The following STXBP5L variants were observed in gnomAD, a reference collection of about 807,000 sequenced individuals.
STXBP5L encodes the protein syntaxin-binding protein 5-like.
Under a neutral mutation model 144.5 loss-of-function variants are expected in STXBP5L, and 65 were observed. That is an observed-to-expected ratio of 0.45 (90% confidence interval 0.37 to 0.55). The LOEUF (loss-of-function observed/expected upper bound fraction) is 0.55, where lower values mean the gene tolerates loss of function less well. Ranked by LOEUF, STXBP5L falls within the 20% of genes least tolerant of loss-of-function variation. The pLI is 0.00. For synonymous variants in STXBP5L, 505 were observed against 469.6 expected (o/e 1.08, Z -0.97); for missense variants, 1,298 against 1,405.5 (o/e 0.92, Z 1.22).
At chr3:120,996,059 C>G (rs1414151793) in intron 3 of STXBP5L, among the ~76,000 whole-genome samples, 1 of 152,030 alleles carries the variant, frequency 6.6e-6, no homozygotes, top group Non-Finnish European at 1.5e-5. Context: ...TCTTTCAGAA[C>G]CTGAAAAATG....
At chr3:121,129,809 C>T (rs906959284) in intron 7 of STXBP5L, among the ~76,000 whole-genome samples, 2 of 151,784 alleles carry the variant, frequency 1.3e-5, no homozygotes. Context: ...CTGGCGAGTA[C>T]CTTTATAACT....
At chr3:121,118,021 A>G (rs1223679753) in intron 6 of STXBP5L, among the ~76,000 whole-genome samples, 2 of 151,700 alleles carry the variant, frequency 1.3e-5, no homozygotes, top group African/African-American at 4.8e-5. Context: ...TCCACATATG[A>G]TTAAAATTTG....
intron 20 of STXBP5L, among the ~76,000 whole-genome samples, chr3:121,340,102 T>A (rs2108579479): frequency 6.6e-6 from 1 of 152,110 alleles, no homozygotes; most frequent in South Asian, 2.1e-4. Flanking sequence ...CCAAAGCAAT[T>A]CTAAGCAAAA....
rs184025858 is a variant in STXBP5L, at chr3:120,990,051, A to T, written c.287+35014A>T. ...TTGCAGACGACATGATTGTATATCC[A>T]GAAAACCCCATTGTCTCAGCCCAAA... On this transcript the variant is annotated intron_variant, in intron 3 of 26. Coordinates refer to ENST00000471454, the MANE Select transcript of STXBP5L (RefSeq NM_001308330.2). Among the ~76,000 whole-genome samples the T allele has an allele frequency of 3.2e-3, 493 of 152,282 alleles. 2 individuals carry two copies. Among genetic ancestry groups the T allele is most frequent in the African/African-American group, 0.011 (471 of 41,558 alleles).
chr3:121,418,420 G>A lies in STXBP5L; in HGVS notation c.3310G>A (p.Ala1104Thr), dbSNP rs369867619. 47 of 1,613,944 alleles carry A rather than the reference G, an allele frequency of 2.9e-5. No individual in the cohort carries two copies. The highest frequency in any genetic ancestry group is 4.5e-5 in the East Asian group (2 of 44,880). ...GPGSIEGMKG[A>T]AGGVMGELTR... ...AGGTAGTATAGAAGGGATGAAAGGC[G>A]CTGCTGGAGGGGTGATGGGAGAGCT... The change falls in exon 26 of 27, where the codon GCT (alanine) becomes ACT (threonine). Residue 1104 changes from alanine to threonine, a missense_variant. Ala to Thr is a moderately conservative substitution (Grantham distance 58). Coordinates refer to ENST00000471454, the MANE Select transcript of STXBP5L (RefSeq NM_001308330.2).
At chr3:121,004,629 AG>A (rs1944107160) in intron 3 of STXBP5L, among the ~76,000 whole-genome samples, 1 of 152,096 alleles carries the variant, frequency 6.6e-6, no homozygotes, top group Non-Finnish European at 1.5e-5. Context: ...GTCTTGTGCC[AG>A]TTTTCAAAGG....
Position 121,157,633 on chromosome 3 carries a change from A to G in STXBP5L, c.877+6A>G, listed in dbSNP as rs2046166613. The G allele has an allele frequency of 6.3e-7, 1 of 1,595,902 alleles. No homozygotes were observed. The highest frequency in any genetic ancestry group is 8.5e-7 in the Non-Finnish European group (1 of 1,173,664). ...CCAGACCACAATTCCACATGGTAAG[A>G]TGTATGCTTTCAAAAGGAATAAACA... On this transcript the variant is annotated splice_donor_region_variant and intron_variant, in intron 9 of 26. Transcript: ENST00000471454.
chr3:120,962,645 T>C (rs1045017028), intron 3 of STXBP5L, among the ~76,000 whole-genome samples: 4 of 152,214 alleles, frequency 2.6e-5, no homozygotes, highest in Admixed American at 6.5e-5. Context: ...TATCTCTGTT[T>C]TGGTACCAGT....
chr3:121,393,060 C>T (rs187348136), intron 22 of STXBP5L, among the ~76,000 whole-genome samples: 151 of 151,918 alleles, frequency 9.9e-4, no homozygotes, highest in African/African-American at 3.2e-3. Context: ...ACTGTATAAG[C>T]GTTCCCTTTT....
At position 121,238,992 on chromosome 3, in the gene STXBP5L, A is replaced by G. The variant is rs375336566; in HGVS notation, c.1206A>G (p.Pro402=). The change falls in exon 13 of 27, where the codon CCA becomes CCG. Residue 402 remains proline, a synonymous_variant. Coordinates refer to ENST00000471454, the MANE Select transcript of STXBP5L (RefSeq NM_001308330.2). ...TQSNFPIFEN[P]YPMDIHESPV... is the part of the protein sequence containing the mutation. Reference sequence around the variant, plus strand: ...TTAGTTTTCCAATCTTTGAAAATCCATATCCCATGGACATTCATGAATCAC... The same window carrying G: ...TTAGTTTTCCAATCTTTGAAAATCCGTATCCCATGGACATTCATGAATCAC... The G allele has an allele frequency of 2.4e-5, 38 of 1,601,374 alleles. No homozygotes were observed. Among genetic ancestry groups the G allele is most frequent in the African/African-American group, 1.8e-4 (13 of 74,270 alleles).
intron 20 of STXBP5L, among the ~76,000 whole-genome samples, chr3:121,336,495 A>G (rs2044509717): frequency 6.6e-6 from 1 of 152,068 alleles, no homozygotes; most frequent in Non-Finnish European, 1.5e-5. Flanking sequence ...ACCCTGTCTC[A>G]AAAAAACCAG....
intron 5 of STXBP5L, among the ~76,000 whole-genome samples, chr3:121,113,033 A>G (rs1448749293): frequency 2.0e-5 from 3 of 152,182 alleles, no homozygotes; most frequent in Non-Finnish European, 4.4e-5. Context: ...TCAGTTGGAC[A>G]TTGAATATAA....
chr3:121,192,906 G>A (rs1160419123), intron 9 of STXBP5L, among the ~76,000 whole-genome samples: 4 of 152,174 alleles, frequency 2.6e-5, no homozygotes, highest in South Asian at 2.1e-4. Flanking sequence ...CAGGACATAG[G>A]CATGGGCAAG....
At chr3:121,199,299 T>C (rs2048045131) in intron 9 of STXBP5L, among the ~76,000 whole-genome samples, 1 of 152,200 alleles carries the variant, frequency 6.6e-6, no homozygotes, top group African/African-American at 2.4e-5. Flanking sequence ...TATCGATGTA[T>C]AGGAATGCTT....
chr3:121,077,436 G>A (rs1172272430), intron 5 of STXBP5L, among the ~76,000 whole-genome samples: 3 of 152,130 alleles, frequency 2.0e-5, no homozygotes, highest in Admixed American at 1.3e-4. Flanking sequence ...TGGTGGATTC[G>A]TGGTCTCGCT....
At chr3:121,126,688 T>A (rs1159126139) in intron 7 of STXBP5L, among the ~76,000 whole-genome samples, 1 of 152,178 alleles carries the variant, frequency 6.6e-6, no homozygotes, top group Non-Finnish European at 1.5e-5. Flanking sequence ...ATTGTCAAAA[T>A]AAATTATCAT....
chr3:121,370,210 C>A (rs2045990005), intron 20 of STXBP5L, among the ~76,000 whole-genome samples: 1 of 151,710 alleles, frequency 6.6e-6, no homozygotes, highest in African/African-American at 2.4e-5. Context: ...ACTAAAAATA[C>A]AAAAAAAATT....
At chr3:121,014,870 G>A (rs912855898) in intron 3 of STXBP5L, among the ~76,000 whole-genome samples, 2 of 151,952 alleles carry the variant, frequency 1.3e-5, no homozygotes, top group Non-Finnish European at 2.9e-5. Context: ...ATATTTTTAT[G>A]TGATATGAGT....
chr3:121,045,386 C>A (rs199981165), intron 4 of STXBP5L, 49 bp from the exon 5 acceptor site: 937 of 1,517,798 alleles, frequency 6.2e-4, no homozygotes, highest in Non-Finnish European at 7.5e-4. Flanking sequence ...ATTAAAAAAA[C>A]CCTAAATTAA....
Sources: allele counts gnomAD v4.1 joint callset (sites outside exome capture counted in the v4.1 genomes callset), GRCh38; gene constraint gnomAD v4.1.1; transcripts MANE v1.5; gene names NCBI Gene and HGNC (gene_info 2026-07-23, HGNC 2026-07-21).